PCLO: variants seen among roughly 807,000 people sequenced by gnomAD.
PCLO encodes the protein protein piccolo.
PCLO carries 82 observed loss-of-function variants against 427.5 expected under a neutral mutation model. That is an observed-to-expected ratio of 0.19 (90% CI 0.16 to 0.23). The LOEUF is 0.23. Among genes scored for constraint, PCLO ranks in the 10% least tolerant of loss-of-function variants. The probability of loss-of-function intolerance (pLI) is 1.00; values close to 1 mark genes in which losing one functional copy is unlikely to be tolerated. For missense variants in PCLO, 6,239 were observed against 6,115.9 expected (o/e 1.02, Z -0.67); for synonymous variants, 2,357 against 2,155.4 (o/e 1.09, Z -2.59).
At chr7:83,117,241 T>A (rs1791157971) in intron 3 of PCLO, among the ~76,000 whole-genome samples, 1 of 152,150 alleles carries the variant, frequency 6.6e-6, no homozygotes, top group African/African-American at 2.4e-5. Flanking sequence ...GTAGTCCTTC[T>A]TCAGAAGAGT....
Position 83,134,918 on chromosome 7 carries a change from G to T in PCLO, c.2632C>A (p.Pro878Thr), listed in dbSNP as rs917979280. ...CCAGCGGTAGGTCGTGGGCCAGGGG[G>T]TGTTGGTGACCCTTTTGGCATTGGC... The part of the protein sequence containing the change: ...AKPMPKGSPT[P>T]PGPRPTAGQT... Residue 878 changes from proline to threonine, a missense_variant, in exon 3 of 25, where the codon CCC (proline) becomes ACC (threonine). Pro to Thr is a conservative substitution (Grantham distance 38). Transcript: ENST00000333891. The T allele has an allele frequency of 6.2e-7, 1 of 1,603,942 alleles. No individual in the cohort carries two copies. Among genetic ancestry groups the T allele is most frequent in the African/African-American group, 1.3e-5 (1 of 74,502 alleles).
At chr7:83,030,569 A>C (rs1788642623) in intron 3 of PCLO, among the ~76,000 whole-genome samples, 1 of 152,226 alleles carries the variant, frequency 6.6e-6, no homozygotes, top group Admixed American at 6.5e-5. Context: ...ACCATGCAGC[A>C]GGGCTGGAAT....
chr7:83,099,129 G>T (rs144072264), intron 3 of PCLO, among the ~76,000 whole-genome samples: 1 of 151,226 alleles, frequency 6.6e-6, no homozygotes, highest in Non-Finnish European at 1.5e-5. Flanking sequence ...ATCAGGCAAA[G>T]GAATTTCAAA....
chr7:82,872,817 T>C (rs1255002419), intron 10 of PCLO, among the ~76,000 whole-genome samples: 1 of 152,124 alleles, frequency 6.6e-6, no homozygotes, highest in Non-Finnish European at 1.5e-5. Flanking sequence ...ATAAAGGAAC[T>C]AGAGTTACAT....
chr7:82,763,415 C>T (rs1167264335), intron 22 of PCLO, among the ~76,000 whole-genome samples: 1 of 151,894 alleles, frequency 6.6e-6, no homozygotes, highest in Non-Finnish European at 1.5e-5. Flanking sequence ...GTCTGTGAAC[C>T]ACATTTCGAG....
chr7:82,957,556 T>A (rs1362964520), intron 4 of PCLO, among the ~76,000 whole-genome samples: 1 of 152,220 alleles, frequency 6.6e-6, no homozygotes, highest in East Asian at 1.9e-4. Flanking sequence ...TATATATACT[T>A]GGTATTATTG....
chr7:83,057,913 A>G (rs1789442477), intron 3 of PCLO, among the ~76,000 whole-genome samples: 1 of 152,158 alleles, frequency 6.6e-6, no homozygotes, highest in South Asian at 2.1e-4. Flanking sequence ...TCCTAATAAC[A>G]ATATATATCA....
At chr7:83,105,658 G>A (rs554576374) in intron 3 of PCLO, among the ~76,000 whole-genome samples, 10 of 152,176 alleles carry the variant, frequency 6.6e-5, no homozygotes, top group Non-Finnish European at 1.3e-4. Context: ...ACTGGACACG[G>A]ACACTGTGCA....
At chr7:82,851,014 A>G (rs981982452) in intron 10 of PCLO, among the ~76,000 whole-genome samples, 3 of 152,102 alleles carry the variant, frequency 2.0e-5, no homozygotes, top group Non-Finnish European at 4.4e-5. Flanking sequence ...AAACCATAAA[A>G]TGCTATGTGT....
At chr7:82,910,870 C>T (rs1331569547) in intron 7 of PCLO, among the ~76,000 whole-genome samples, 1 of 152,046 alleles carries the variant, frequency 6.6e-6, no homozygotes, top group East Asian at 1.9e-4. Context: ...TCATTAGTCT[C>T]TTAAAATCTA....
At chr7:82,910,818 T>C (rs1794303655) in intron 7 of PCLO, among the ~76,000 whole-genome samples, 1 of 152,156 alleles carries the variant, frequency 6.6e-6, no homozygotes. Flanking sequence ...TTTAGTGTAA[T>C]AGACATTTGA....
At chr7:82,984,971 T>A (rs891677009) in intron 3 of PCLO, among the ~76,000 whole-genome samples, 1 of 152,034 alleles carries the variant, frequency 6.6e-6, no homozygotes, top group African/African-American at 2.4e-5. Context: ...TTTCTACTGA[T>A]AAAATTGAAA....
chr7:83,155,221 G>A lies in PCLO; in HGVS notation c.1420C>T (p.Pro474Ser). ...TGPTKPPSQL[P>S]GPAKPPPQQP... Reference sequence around the variant, plus strand: ...TGAGGTGGGGGCTTTGCTGGGCCAGGCAGTTGTGAAGGAGGCTTTGTTGGG... The same window carrying A: ...TGAGGTGGGGGCTTTGCTGGGCCAGACAGTTGTGAAGGAGGCTTTGTTGGG... Residue 474 changes from proline to serine, a missense_variant, in exon 2 of 25, where the codon CCT becomes TCT. Physicochemically the swap from Pro to Ser is moderately conservative, Grantham distance 74. Around this residue, in one of 5 missense-constraint regions of PCLO, gnomAD observed 4,677 missense variants for 4,468.4 expected, o/e 1.05. Transcript: ENST00000333891. 2 of 1,613,614 alleles carry A rather than the reference G, an allele frequency of 1.2e-6. No individual in the cohort carries two copies. The highest frequency in any genetic ancestry group is 1.7e-6 in the Non-Finnish European group (2 of 1,179,828).
intron 3 of PCLO, among the ~76,000 whole-genome samples, chr7:83,082,796 A>C (rs1790135440): frequency 6.6e-6 from 1 of 151,792 alleles, no homozygotes; most frequent in African/African-American, 2.4e-5. Flanking sequence ...CATGATTAAA[A>C]ATAAAAAATA....
At chr7:83,065,998 A>T (rs1420153330) in intron 3 of PCLO, among the ~76,000 whole-genome samples, 1 of 152,102 alleles carries the variant, frequency 6.6e-6, no homozygotes, top group Non-Finnish European at 1.5e-5. Flanking sequence ...TGCTGTATTC[A>T]TCCATGTTTC....
At chr7:83,142,169 G>C (rs76701353) in intron 2 of PCLO, among the ~76,000 whole-genome samples, 3,105 of 152,040 alleles carry the variant, frequency 0.02, 135 homozygotes, top group African/African-American at 0.071. Context: ...TTACATAGCC[G>C]TAGTACTTGG....
At chr7:82,774,154 T>C (rs1790701416) in intron 22 of PCLO, among the ~76,000 whole-genome samples, 1 of 152,208 alleles carries the variant, frequency 6.6e-6, no homozygotes. Context: ...TTGTAGGAGC[T>C]CATTTCATTA....
rs762275958 is a variant in PCLO, at chr7:82,950,793, T to G, written c.9795A>C (p.Gln3265His). Residue 3265 changes from glutamine to histidine, a missense_variant, in exon 6 of 25, where the codon CAA becomes CAC. Transcript: ENST00000333891. ...KKLEELQSMK[Q>H]HLLFQQEEER... is the part of the protein sequence containing the mutation. The stretch of plus-strand genomic sequence containing the variant: ...CTTCTTCTTGCTGAAAGAGAAGGTG[T>G]TGCTTCATAGACTGCAGCTCCTCCA... 2.5e-6 allele frequency: 4 copies of G among 1,613,768 alleles called. No homozygotes were observed. The highest frequency in any genetic ancestry group is 1.7e-5 in the Admixed American group (1 of 60,008).
chr7:82,834,775 G>A (rs957943414), intron 16 of PCLO, among the ~76,000 whole-genome samples: 11 of 152,014 alleles, frequency 7.2e-5, no homozygotes, highest in Non-Finnish European at 1.6e-4. Context: ...ATTAGAAAAC[G>A]CTCCTACTAT....
Sources: gnomAD v4.1 joint callset for allele counts (sites outside exome capture counted in the v4.1 genomes callset) on GRCh38, gnomAD v4.1.1 for gene constraint, gnomAD v4.1.1 regional missense constraint, MANE v1.5 for transcripts, NCBI Gene and HGNC (gene_info 2026-07-23, HGNC 2026-07-21) for gene names.